ADGRE3: variants seen among roughly 807,000 people sequenced by gnomAD.
ADGRE3 encodes the protein EGF-like module receptor 3.
ADGRE3 carries 88 observed loss-of-function variants against 80.1 expected under a neutral mutation model. That is an observed-to-expected ratio of 1.10 (90% confidence interval 0.93 to 1.31). ADGRE3 has a LOEUF of 1.31. Ranked by LOEUF, ADGRE3 falls within the 40% of genes most tolerant of loss-of-function variation. ADGRE3 has a pLI of 0.00. For synonymous variants in ADGRE3, 281 were observed against 294.8 expected, an observed-to-expected ratio of 0.95 and a Z score of 0.48; for missense variants, 715 against 776.5, an observed-to-expected ratio of 0.92 and a Z score of 0.94.
intron 10 of ADGRE3, among the ~76,000 whole-genome samples, chr19:14,640,534 GC>G (rs1345388030): frequency 5.9e-5 from 9 of 151,992 alleles, no homozygotes; most frequent in African/African-American, 2.2e-4. Flanking sequence ...CAGGTGATCT[GC>G]CCACCTCAGT....
chr19:14,667,843 T>G (rs1444561564), intron 2 of ADGRE3, among the ~76,000 whole-genome samples: 1 of 152,180 alleles, frequency 6.6e-6, no homozygotes. Flanking sequence ...AAAATAAATT[T>G]ACGATCTTAG....
downstream of ADGRE3, among the ~76,000 whole-genome samples, chr19:14,617,341 C>CCTCTCTTTCTTTCTTTCTTT: frequency 5.2e-5 from 3 of 57,264 alleles, no homozygotes; most frequent in African/African-American, 1.8e-4. Flanking sequence ...TCCCTCCCTC[C>CCTCTCTTTCTTTCTTTCTTT]CTTTCTTTCT....
chr19:14,652,131 A>T lies in ADGRE3; in HGVS notation c.578-927T>A, dbSNP rs576480837. On this transcript the variant is annotated intron_variant, in intron 6 of 15. Transcript: ENST00000253673. ...GCTTCAAATAAAAATAAAGTCACAAATGAATTGCAATCAAGAAAAACTCAT... is the reference window on the plus strand; with the variant it reads ...GCTTCAAATAAAAATAAAGTCACAATTGAATTGCAATCAAGAAAAACTCAT... Among the ~76,000 whole-genome samples, 8 of 152,236 alleles carry T rather than the reference A, an allele frequency of 5.3e-5. No individual in the cohort carries two copies. In the East Asian group the frequency reaches 1.5e-3, roughly 29 times the overall value.
chr19:14,636,062 T>TTCCTTCCTTCCTTCCTTCC (rs1296282672), intron 11 of ADGRE3, among the ~76,000 whole-genome samples: 2 of 88,194 alleles, frequency 2.3e-5, no homozygotes, highest in African/African-American at 4.6e-5. Flanking sequence ...CCTTCCTTCC[T>TTCCTTCCTTCCTTCCTTCC]TTCCTTTCCT....
At chr19:14,638,432 C>A (rs1300953976) in intron 10 of ADGRE3, 92 bp from the exon 11 acceptor site, 6 of 879,576 alleles carry the variant, frequency 6.8e-6, no homozygotes, top group Non-Finnish European at 1.1e-5. Context: ...GTTCAGAGCA[C>A]CTGACATCAG....
the ADGRE3 span, among the ~76,000 whole-genome samples, chr19:14,608,324 T>A: frequency 6.6e-6 from 1 of 152,214 alleles, no homozygotes; most frequent in African/African-American, 2.4e-5. Context: ...CTAGAGACCC[T>A]GATTGCAGGG....
intron 7 of ADGRE3, among the ~76,000 whole-genome samples, chr19:14,647,721 C>T (rs1222051464): frequency 6.6e-6 from 1 of 151,464 alleles, no homozygotes; most frequent in Non-Finnish European, 1.5e-5. Flanking sequence ...CCCGGTCTGC[C>T]GTTTTTTAGA....
In ADGRE3 at chr19:14,637,607, C is replaced by T. The variant is rs147849901; in HGVS notation, c.1484+498G>A. On this transcript the variant is annotated intron_variant, in intron 11 of 15. Transcript: ENST00000253673. ...GTAGACACAAGGTCTTGCTATGTTGCCCAGGCTGGTCTTGAAGTTGTGAAC... is the reference window on the plus strand; with the variant it reads ...GTAGACACAAGGTCTTGCTATGTTGTCCAGGCTGGTCTTGAAGTTGTGAAC... Among the ~76,000 whole-genome samples the T allele has an allele frequency of 3.7e-3, 567 of 151,646 alleles. 4 individuals carry two copies. Among genetic ancestry groups the T allele is most frequent in the African/African-American group, 0.013 (525 of 41,292 alleles).
At chr19:14,669,129 T>A (rs1007735151) in intron 1 of ADGRE3, among the ~76,000 whole-genome samples, 1 of 152,150 alleles carries the variant, frequency 6.6e-6, no homozygotes, top group Non-Finnish European at 1.5e-5. Context: ...TACAGCAGCA[T>A]TATTCACAAT....
intron 6 of ADGRE3, among the ~76,000 whole-genome samples, chr19:14,651,549 T>C (rs1478361725): frequency 2.0e-5 from 3 of 152,228 alleles, no homozygotes. Context: ...AAGACTCTAA[T>C]TCCTGAAACC....
chr19:14,641,399 C>T lies in ADGRE3; in HGVS notation c.1248+20G>A. The T allele has an allele frequency of 6.2e-7, 1 of 1,613,954 alleles. No individual in the cohort carries two copies. The highest frequency in any genetic ancestry group is 1.1e-5 in the South Asian group (1 of 91,072). On this transcript the variant is annotated intron_variant, in intron 10 of 15. Coordinates refer to ENST00000253673, the MANE Select transcript of ADGRE3 (RefSeq NM_032571.5). ...TGTACCTTGGGGCAGAAAGGGCATC[C>T]TCTGAGACACTGTCAGTACCTTGGG...
intron 5 of ADGRE3, among the ~76,000 whole-genome samples, chr19:14,657,919 A>C (rs1301824473): frequency 2.6e-5 from 4 of 152,004 alleles, no homozygotes; most frequent in Non-Finnish European, 5.9e-5. Flanking sequence ...ATGTGCCATC[A>C]TACCTGGCTA....
the ADGRE3 span, chr19:14,610,283 C>T: frequency 1.2e-5 from 18 of 1,505,130 alleles, no homozygotes; most frequent in African/African-American, 4.1e-5. Flanking sequence ...CTTGCCTCTT[C>T]GTGAGTGGAC....
the ADGRE3 span, among the ~76,000 whole-genome samples, chr19:14,602,098 A>T: frequency 2.4e-4 from 36 of 151,412 alleles, no homozygotes; most frequent in Non-Finnish European, 4.3e-4. Flanking sequence ...GGCCCAGCAA[A>T]TTATTTTTAC....
intron 15 of ADGRE3, among the ~76,000 whole-genome samples, chr19:14,620,524 GAATATATATAT>G (rs1970536300): frequency 5.2e-5 from 1 of 19,280 alleles, no homozygotes; most frequent in African/African-American, 2.0e-4. Context: ...GACTATATAT[GAATATATATAT>G]TTTATATATA....
At chr19:14,613,209 AG>A in the ADGRE3 span, among the ~76,000 whole-genome samples, 1 of 149,666 alleles carries the variant, frequency 6.7e-6, no homozygotes, top group African/African-American at 2.5e-5. Context: ...TACAGGCGTG[AG>A]CCACCATGCC....
chr19:14,644,184 T>G lies in ADGRE3; in HGVS notation c.974A>C (p.His325Pro). The change falls in exon 9 of 16, where the codon CAC (histidine) becomes CCC (proline). Residue 325 changes from histidine (H) to proline (P), a missense_variant. Physicochemically the swap from His to Pro is moderately conservative, Grantham distance 77. Coordinates refer to ENST00000253673, the MANE Select transcript of ADGRE3 (RefSeq NM_032571.5). ...ACACATGGTGTGACTCTTGTTCACGTGTATCAGGAAGCAGCCATCCCTGGA... is the reference window on the plus strand; with the variant it reads ...ACACATGGTGTGACTCTTGTTCACGGGTATCAGGAAGCAGCCATCCCTGGA... The part of the protein sequence containing the change: ...QWSRDGCFLI[H>P]VNKSHTMCNC... 1 of 1,609,810 alleles carries G rather than the reference T, an allele frequency of 6.2e-7. No homozygotes were observed. Among genetic ancestry groups the G allele is most frequent in the Non-Finnish European group, 8.5e-7 (1 of 1,178,116 alleles).
chr19:14,662,378 G>T (rs1405339875), intron 3 of ADGRE3, among the ~76,000 whole-genome samples: 1 of 152,120 alleles, frequency 6.6e-6, no homozygotes, highest in East Asian at 1.9e-4. Flanking sequence ...GTCGCGAAAT[G>T]AAACAAGAAA....
At chr19:14,628,736 G>T in intron 14 of ADGRE3, 1 of 369,320 alleles carries the variant, frequency 2.7e-6, no homozygotes, top group Non-Finnish European at 5.3e-6. Flanking sequence ...GTTTGCCCCT[G>T]CAGACAGCCA....
Sources: gnomAD v4.1 joint callset for allele counts (sites outside exome capture counted in the v4.1 genomes callset) on GRCh38, gnomAD v4.1.1 for gene constraint, MANE v1.5 for transcripts, NCBI Gene and HGNC (gene_info 2026-07-23, HGNC 2026-07-21) for gene names.